The following RAP1A variants were observed in gnomAD, a reference collection of about 807,000 sequenced individuals.
RAP1A encodes RAP1A, member of RAS oncogene family, also known as ras-related protein Rap-1A.
A neutral mutation model predicts 26.4 loss-of-function variants in RAP1A; 6 were observed. The observed-to-expected ratio is 0.23, with a 90% CI of 0.12 to 0.45. The LOEUF (loss-of-function observed/expected upper bound fraction) is 0.45, where lower values mean the gene tolerates loss of function less well. Among genes scored for constraint, RAP1A ranks in the 20% least tolerant of loss-of-function variants. RAP1A has a pLI of 0.99. For synonymous variants in RAP1A, 73 were observed against 79.4 expected (o/e 0.92, Z 0.43); for missense variants, 121 against 217.2 (o/e 0.56, Z 2.78).
chr1:111,702,335 AAAG>A (rs1662046476), intron 4 of RAP1A, among the ~76,000 whole-genome samples: 1 of 152,082 alleles, frequency 6.6e-6, no homozygotes, highest in African/African-American at 2.4e-5. Context: ...AACTTTTCTA[AAAG>A]AAGATTTTGT....
chr1:111,554,266 G>A (rs1657390500), intron 1 of RAP1A, among the ~76,000 whole-genome samples: 1 of 152,198 alleles, frequency 6.6e-6, no homozygotes, highest in South Asian at 2.1e-4. Flanking sequence ...AGAACTGTAA[G>A]AACCTGTGGA....
intron 1 of RAP1A, among the ~76,000 whole-genome samples, chr1:111,587,731 T>C (rs1658403046): frequency 6.6e-6 from 1 of 152,182 alleles, no homozygotes; most frequent in South Asian, 2.1e-4. Flanking sequence ...TCTAGTGCAA[T>C]CTGGCAAACA....
chr1:111,691,841 T>G (rs753718123), intron 2 of RAP1A, among the ~76,000 whole-genome samples: 5 of 152,222 alleles, frequency 3.3e-5, no homozygotes, highest in Admixed American at 6.5e-5. Context: ...TTACTGAGTT[T>G]CTATAGTGTC....
chr1:111,543,361 C>T (rs967125711), intron 1 of RAP1A, among the ~76,000 whole-genome samples: 1 of 152,026 alleles, frequency 6.6e-6, no homozygotes, highest in Non-Finnish European at 1.5e-5. Flanking sequence ...CAGGGAGATT[C>T]GCTGCCAAAA....
At chr1:111,616,355 C>T (rs1659014166), upstream of RAP1A, among the ~76,000 whole-genome samples, 1 of 152,306 alleles carries the variant, frequency 6.6e-6, no homozygotes, top group Non-Finnish European at 1.5e-5. Context: ...CCTCTCCAAA[C>T]CAATGGTTCA....
intron 1 of RAP1A, among the ~76,000 whole-genome samples, chr1:111,568,974 A>G (rs1571475751): frequency 6.6e-6 from 1 of 152,262 alleles, no homozygotes; most frequent in Admixed American, 6.5e-5. Flanking sequence ...CTATAGTATA[A>G]AAATACAATA....
rs143745025 is a variant in RAP1A at position 111,679,777 on chromosome 1, C to T, written c.-27-11557C>T. ...AGCAGTTTTCCCCTCACAATGTAAA[C>T]AAAGCCTCCGGGAAGGTCAGACTGC... On this transcript the variant is annotated intron_variant, in intron 1 of 7. Coordinates refer to ENST00000369709, the MANE Select transcript of RAP1A (RefSeq NM_002884.4). Among the ~76,000 whole-genome samples the T allele has an allele frequency of 2.2e-4, 33 of 152,316 alleles. 1 individual carries two copies. The East Asian group carries it at 6.4e-3, about 29-fold the overall frequency.
chr1:111,581,761 T>G (rs183325951), intron 1 of RAP1A, among the ~76,000 whole-genome samples: 1 of 152,324 alleles, frequency 6.6e-6, no homozygotes, highest in African/African-American at 2.4e-5. Context: ...ACTCTAAGTT[T>G]TGAATAAAAT....
intron 1 of RAP1A, among the ~76,000 whole-genome samples, chr1:111,565,816 A>G (rs148508553): frequency 6.4e-4 from 98 of 152,236 alleles, no homozygotes; most frequent in African/African-American, 2.1e-3. Context: ...AAAATCTACA[A>G]TTAAATAAAT....
chr1:111,621,892 CAAG>C (rs1659216568), intron 1 of RAP1A, among the ~76,000 whole-genome samples: 1 of 152,006 alleles, frequency 6.6e-6, no homozygotes. Context: ...TGTATGGCTT[CAAG>C]AAGGACAGTA....
intron 1 of RAP1A, among the ~76,000 whole-genome samples, chr1:111,656,914 T>C (rs1660479610): frequency 6.7e-6 from 1 of 148,890 alleles, no homozygotes; most frequent in South Asian, 2.1e-4. Flanking sequence ...ACATTCACAT[T>C]GTTGTGCAGA....
In RAP1A at chr1:111,644,945, T is replaced by A. The variant is rs950848917; in HGVS notation, c.-28+25011T>A. Among the ~76,000 whole-genome samples the A allele has an allele frequency of 2.0e-5, 3 of 152,204 alleles. No homozygotes were observed. In the South Asian group the frequency reaches 6.2e-4, roughly 31 times the overall value. On this transcript the variant is annotated intron_variant, in intron 1 of 7. Coordinates refer to ENST00000369709, the MANE Select transcript of RAP1A (RefSeq NM_002884.4). ...AGTTTGTTTTACCTCTTGAAGTATA[T>A]CCATAGTTGGTGGGAAAAGGAGCTA... is the stretch of plus-strand genomic sequence containing the variant.
chr1:111,630,454 C>T (rs928464375), intron 1 of RAP1A, among the ~76,000 whole-genome samples: 2 of 152,140 alleles, frequency 1.3e-5, no homozygotes, highest in East Asian at 3.8e-4. Context: ...GACGTGCTTT[C>T]ATGGCAATTT....
intron 1 of RAP1A, among the ~76,000 whole-genome samples, chr1:111,635,389 A>C (rs759955959): frequency 5.9e-5 from 9 of 152,220 alleles, no homozygotes; most frequent in Non-Finnish European, 1.0e-4. Flanking sequence ...ACTTTGCAAA[A>C]GTTTGCATGT....
In RAP1A at chr1:111,704,477, T is replaced by C; in HGVS notation, c.459T>C (p.Asn153=). ...AATCTTCTGCAAAGTCAAAGATCAATGTTAATGAGGTAACCTACAACTGCT... is the reference window on the plus strand; with the variant it reads ...AATCTTCTGCAAAGTCAAAGATCAACGTTAATGAGGTAACCTACAACTGCT... ...FLESSAKSKI[N]VNEIFYDLVR... Residue 153 remains asparagine, a synonymous_variant, in exon 6 of 8, where the codon AAT becomes AAC. Coordinates refer to ENST00000369709, the MANE Select transcript of RAP1A (RefSeq NM_002884.4). The C allele has an allele frequency of 6.2e-7, 1 of 1,613,012 alleles. No homozygotes were observed. The highest frequency in any genetic ancestry group is 8.5e-7 in the Non-Finnish European group (1 of 1,179,342).
chr1:111,620,916 G>A (rs1262120241), intron 1 of RAP1A, among the ~76,000 whole-genome samples: 2 of 152,190 alleles, frequency 1.3e-5, no homozygotes, highest in African/African-American at 4.8e-5. Context: ...TCCTCTTAGG[G>A]CTGAGAACCA....
chr1:111,625,514 A>T (rs1046976557), intron 1 of RAP1A, among the ~76,000 whole-genome samples: 3 of 152,166 alleles, frequency 2.0e-5, no homozygotes, highest in Admixed American at 6.5e-5. Flanking sequence ...AAATTCACTC[A>T]CTGTATTTTC....
chr1:111,648,763 G>T, intron 1 of RAP1A: 2 of 608,696 alleles, frequency 3.3e-6, no homozygotes, highest in South Asian at 1.5e-5. Flanking sequence ...TCCTCAATCT[G>T]CTGAGACCAG....
chr1:111,559,994 A>T (rs1311791547), intron 1 of RAP1A, among the ~76,000 whole-genome samples: 1 of 152,214 alleles, frequency 6.6e-6, no homozygotes. Flanking sequence ...AAGGTTCTTG[A>T]CACATCAAAC....
Sources: gnomAD v4.1 joint callset for allele counts (sites outside exome capture counted in the v4.1 genomes callset) on GRCh38, gnomAD v4.1.1 for gene constraint, MANE v1.5 for transcripts, NCBI Gene and HGNC (gene_info 2026-07-23, HGNC 2026-07-21) for gene names.